LRP1: variants seen among roughly 807,000 people sequenced by gnomAD.
LRP1 encodes prolow-density lipoprotein receptor-related protein 1.
A neutral mutation model predicts 541.5 loss-of-function variants in LRP1; 51 were observed. The observed-to-expected ratio is 0.09, with a 90% confidence interval of 0.08 to 0.12. The LOEUF is 0.12. Ranked by LOEUF, LRP1 falls within the 10% of genes least tolerant of loss-of-function variation. The pLI, the probability that LRP1 is intolerant of heterozygous loss-of-function variation, is 1.00. For synonymous variants in LRP1, 2,219 were observed against 2,470.8 expected (o/e 0.90, Z 3.02); for missense variants, 3,878 against 6,376.2 (o/e 0.61, Z 13.34).
intron 50 of LRP1, 105 bp from the exon 51 acceptor site, chr12:57,194,880 A>G (rs999553777): frequency 2.2e-5 from 26 of 1,164,488 alleles, no homozygotes; most frequent in Non-Finnish European, 3.3e-5. Context: ...GCCCCCCCAC[A>G]GAGGGGTGCT....
Position 57,173,124 on chromosome 12 carries a change from T to A in LRP1, c.3164-44T>A. ...GGCACAGGGATGAGGAGGGCTGACC[T>A]GGGCAACCCCTCCCTCCTGAGGCCC... On this transcript the variant is annotated intron_variant, in intron 20 of 88. Coordinates refer to ENST00000243077, the MANE Select transcript of LRP1 (RefSeq NM_002332.3). This position sits in a 1 kb window ranked among gnomAD's most constrained non-coding sequence, Gnocchi z 4.7. 2.0e-6 allele frequency: 3 copies of A among 1,528,322 alleles called. No individual in the cohort carries two copies. The highest frequency in any genetic ancestry group is 2.7e-6 in the Non-Finnish European group (3 of 1,127,608). 94.7% of individuals were successfully genotyped at this position (1,528,322 alleles called of 1,614,324 possible). A position where few individuals can be genotyped will look rare whatever the true frequency, so the allele number is the denominator to read the frequency against.
In LRP1 at chr12:57,161,074, G is replaced by A. The variant is rs1411310793; in HGVS notation, c.2161G>A (p.Asp721Asn). 1 of 1,613,756 alleles carries A rather than the reference G, an allele frequency of 6.2e-7. No individual in the cohort carries two copies. Among genetic ancestry groups the A allele is most frequent in the Non-Finnish European group, 8.5e-7 (1 of 1,180,030 alleles). Residue 721 changes from aspartate to asparagine, a missense_variant, in exon 13 of 89, where the codon GAC becomes AAC. By Grantham distance (23) the Asp-to-Asn change is conservative (BLOSUM62 1). Transcript: ENST00000243077. ...CCTCTACTGGGTGGATGCCTTCTAC[G>A]ACCGCATCGAGACGATACTGCTCAA... ...GRLYWVDAFYDRIETILLNGT... is the reference protein window; with the variant it reads ...GRLYWVDAFYNRIETILLNGT...
intron 20 of LRP1, among the ~76,000 whole-genome samples, chr12:57,171,084 C>G (rs1416995979): frequency 1.3e-5 from 2 of 152,128 alleles, no homozygotes; most frequent in African/African-American, 4.8e-5. Context: ...AGGTGATATC[C>G]CTTAGGGTTC....
chr12:57,191,753 C>T lies in LRP1; in HGVS notation c.7429+241C>T, dbSNP rs536822109. ...CACACACCACATACACATACACCCC[C>T]AACACATACACACACATACACACCC... On this transcript the variant is annotated intron_variant, in intron 44 of 88. Transcript: ENST00000243077. 7.1e-3 allele frequency among the ~76,000 whole-genome samples: 913 copies of T among 128,948 alleles called. 5 individuals carry two copies. The highest frequency in any genetic ancestry group is 0.026 in the African/African-American group (865 of 33,636). 84.6% of individuals were successfully genotyped at this position (128,948 alleles called of 152,430 possible). A position where few individuals can be genotyped will look rare whatever the true frequency, so the allele number is the denominator to read the frequency against.
Position 57,175,939 on chromosome 12 carries a change from A to T in LRP1, c.3824A>T (p.Asn1275Ile). The change falls in exon 24 of 89, where the codon AAC becomes ATC. Residue 1275 changes from asparagine (N) to isoleucine (I), a missense_variant. Asn to Ile is a moderately radical substitution (Grantham distance 149). Transcript: ENST00000243077. Reference protein sequence around the residue: ...DPFKPFIIFSNRHEIRRIDLH... With the variant: ...DPFKPFIIFSIRHEIRRIDLH... ...TTCAAGCCGTTCATCATTTTCTCCA[A>T]CCGCCATGAAATCCGGCGCATCGAT... 1 of 1,613,918 alleles carries T rather than the reference A, an allele frequency of 6.2e-7. No homozygotes were observed. Among genetic ancestry groups the T allele is most frequent in the Non-Finnish European group, 8.5e-7 (1 of 1,179,984 alleles).
intron 1 of LRP1, among the ~76,000 whole-genome samples, chr12:57,136,733 T>C (rs150047358): frequency 6.6e-6 from 1 of 152,154 alleles, no homozygotes; most frequent in South Asian, 2.1e-4. Context: ...AGGACTGGTG[T>C]GGATTTCACT....
intron 42 of LRP1, among the ~76,000 whole-genome samples, chr12:57,188,161 G>T (rs936944806): frequency 6.6e-6 from 1 of 152,160 alleles, no homozygotes; most frequent in Non-Finnish European, 1.5e-5. Flanking sequence ...AGCACCCGGG[G>T]GTGGGTGCTC....
chr12:57,203,582 C>A, intron 70 of LRP1, 61 bp downstream of exon 70: 1 of 1,441,582 alleles, frequency 6.9e-7, no homozygotes, highest in Non-Finnish European at 9.1e-7. Flanking sequence ...GCCACATGGC[C>A]CAGTCATTCA....
intron 45 of LRP1, 47 bp from the exon 46 acceptor site, chr12:57,193,129 G>T (rs1592648717): frequency 1.2e-6 from 2 of 1,606,606 alleles, no homozygotes; most frequent in South Asian, 1.1e-5. Flanking sequence ...GTGGGCACTG[G>T]GGCCCACAGC....
intron 1 of LRP1, among the ~76,000 whole-genome samples, chr12:57,131,518 T>TA (rs2035039379): frequency 1.3e-5 from 2 of 152,136 alleles, no homozygotes; most frequent in Admixed American, 1.3e-4. Flanking sequence ...TATTACCAGT[T>TA]ACTAGAGTAG....
At chr12:57,134,760 A>G (rs1386254851) in intron 1 of LRP1, among the ~76,000 whole-genome samples, 4 of 151,700 alleles carry the variant, frequency 2.6e-5, no homozygotes, top group African/African-American at 7.3e-5. Context: ...GCTGGAGTGC[A>G]GTGGCGCGAT....
intron 6 of LRP1, among the ~76,000 whole-genome samples, chr12:57,148,794 G>A (rs2035466832): frequency 6.6e-6 from 1 of 152,120 alleles, no homozygotes; most frequent in African/African-American, 2.4e-5. Flanking sequence ...TGGTCTGAAG[G>A]GGCTCTCAGA....
In LRP1 at chr12:57,189,725, G is replaced by T. The variant is rs2036338772; in HGVS notation, c.7032-1080G>T. On this transcript the variant is annotated intron_variant, in intron 42 of 88. Transcript: ENST00000243077. This position sits in a 1 kb window ranked among gnomAD's most constrained non-coding sequence, Gnocchi z 4.4. ...GGAGGCCAGAGGCACTGGGGTGGGG[G>T]CGGGGGCAGGTCCTGTTAGGGAACT... Among the ~76,000 whole-genome samples the T allele has an allele frequency of 6.6e-6, 1 of 152,030 alleles. No homozygotes were observed. The highest frequency in any genetic ancestry group is 2.4e-5 in the African/African-American group (1 of 41,372).
At position 57,156,938 on chromosome 12, in the gene LRP1, G is replaced by A; in HGVS notation, c.1561+18G>A. On this transcript the variant is annotated intron_variant, in intron 10 of 88. Coordinates refer to ENST00000243077, the MANE Select transcript of LRP1 (RefSeq NM_002332.3). The surrounding 1 kb of genome is among the most constrained non-coding windows in gnomAD (Gnocchi z 5.2). ...ATGCAAGAGTGAGTGACAGGGAAGGGGGTGTGTGCCCATTGGGAGGCTGCG... is the reference window on the plus strand; with the variant it reads ...ATGCAAGAGTGAGTGACAGGGAAGGAGGTGTGTGCCCATTGGGAGGCTGCG... 2 of 1,553,694 alleles carry A rather than the reference G, an allele frequency of 1.3e-6. No homozygotes were observed. The highest frequency in any genetic ancestry group is 2.3e-5 in the South Asian group (2 of 87,090).
At chr12:57,168,522 A>G (rs555575424) in intron 19 of LRP1, among the ~76,000 whole-genome samples, 1 of 152,306 alleles carries the variant, frequency 6.6e-6, no homozygotes, top group African/African-American at 2.4e-5. Context: ...AAGAGGCAGG[A>G]ACATAACCCA....
rs2035749727 is a variant in LRP1 at position 57,162,208 on chromosome 12, A to G, written c.2203-109A>G. On this transcript the variant is annotated intron_variant, in intron 13 of 88. Transcript: ENST00000243077. This position sits in a 1 kb window ranked among gnomAD's most constrained non-coding sequence, Gnocchi z 5.2. The stretch of plus-strand genomic sequence containing the variant: ...GGCTCCCAGGCTAATGGGGGAAACA[A>G]AGCAAAACCCATGCCCAGGACATAG... The G allele has an allele frequency of 9.9e-7, 1 of 1,009,362 alleles. No individual in the cohort carries two copies. The highest frequency in any genetic ancestry group is 1.7e-5 in the Admixed American group (1 of 57,924). The allele number at this position is 1,009,362 out of a possible 1,614,324, so 62.5% of individuals were successfully genotyped here.
chr12:57,184,457 G>A lies in LRP1; in HGVS notation c.6186+5G>A, dbSNP rs767124834. On this transcript the variant is annotated splice_donor_5th_base_variant and intron_variant, in intron 38 of 88. Transcript: ENST00000243077. This position sits in a 1 kb window ranked among gnomAD's most constrained non-coding sequence, Gnocchi z 7.8. ...GGCATCTCAGTGGACTACCAGGTTCGCACGCCAACTTGGCCTTGGATCCGA... is the reference window on the plus strand; with the variant it reads ...GGCATCTCAGTGGACTACCAGGTTCACACGCCAACTTGGCCTTGGATCCGA... 8.1e-6 allele frequency: 13 copies of A among 1,614,050 alleles called. No homozygotes were observed. The highest frequency in any genetic ancestry group is 3.4e-6 in the Non-Finnish European group (4 of 1,180,038).
In LRP1 at chr12:57,179,929, A is replaced by G. The variant is rs1230158743; in HGVS notation, c.5114A>G (p.His1705Arg). The change falls in exon 30 of 89, where the codon CAT becomes CGT. Residue 1705 changes from histidine (H) to arginine (R), a missense_variant. Physicochemically the swap from His to Arg is conservative, Grantham distance 29 (BLOSUM62 0). This residue lies in a region of LRP1 where 394 missense variants were observed against 635.9 expected (regional missense o/e 0.62). Transcript: ENST00000243077. The surrounding 1 kb of genome is among the most constrained non-coding windows in gnomAD (Gnocchi z 6.8). ...NAVVQGLEQP[H>R]GLVVHPLRGK... ...GTGGTGCAGGGCCTGGAGCAGCCCC[A>G]TGGCCTTGTCGTCCACCCTCTGCGT... 1.2e-6 allele frequency: 2 copies of G among 1,613,972 alleles called. No homozygotes were observed. The highest frequency in any genetic ancestry group is 1.3e-5 in the African/African-American group (1 of 74,920).
Position 57,211,502 on chromosome 12 carries a change from G to T in LRP1, c.13107G>T (p.Arg4369=). ...GDVTCNCTDG[R]VAPSCLTCVG... is the part of the protein sequence containing the mutation. ...CTTCCTGCAGCTGCACGGATGGCCG[G>T]GTGGCCCCCAGCTGTCTGACCTGCG... is the stretch of plus-strand genomic sequence containing the variant. The change falls in exon 85 of 89, where the codon CGG becomes CGT. Residue 4369 remains arginine, a synonymous_variant. Coordinates refer to ENST00000243077, the MANE Select transcript of LRP1 (RefSeq NM_002332.3). This position sits in a 1 kb window ranked among gnomAD's most constrained non-coding sequence, Gnocchi z 4.3. The T allele has an allele frequency of 6.2e-7, 1 of 1,613,900 alleles. No individual in the cohort carries two copies.
Sources: allele counts gnomAD v4.1 joint callset (sites outside exome capture counted in the v4.1 genomes callset), GRCh38; gene constraint gnomAD v4.1.1; regional missense constraint gnomAD v4.1.1; non-coding constraint Gnocchi (gnomAD v3.1); transcripts MANE v1.5; gene names NCBI Gene and HGNC (gene_info 2026-07-23, HGNC 2026-07-21).